CEP55: variants seen among roughly 807,000 people sequenced by gnomAD.
CEP55 encodes centrosomal protein 55.
A neutral mutation model predicts 63.2 loss-of-function variants in CEP55; 57 were observed. The observed-to-expected ratio is 0.90, with a 90% CI of 0.73 to 1.13. The LOEUF (loss-of-function observed/expected upper bound fraction) is 1.13. CEP55 is among the 50% of genes most tolerant of loss of function. The probability of loss-of-function intolerance (pLI) is 0.00; values close to 1 mark genes in which losing one functional copy is unlikely to be tolerated. For synonymous variants in CEP55, 178 were observed against 191.6 expected, an observed-to-expected ratio of 0.93 and a Z score of 0.59; for missense variants, 456 against 518.9, an observed-to-expected ratio of 0.88 and a Z score of 1.18.
intron 8 of CEP55, among the ~76,000 whole-genome samples, chr10:93,524,988 G>A (rs1323189401): frequency 6.6e-6 from 1 of 151,486 alleles, no homozygotes; most frequent in Non-Finnish European, 1.5e-5. Flanking sequence ...ATATCATACT[G>A]AATGGGCAAA....
chr10:93,510,937 CTTT>C (rs572255812), intron 4 of CEP55, among the ~76,000 whole-genome samples: 1 of 118,118 alleles, frequency 8.5e-6, no homozygotes, highest in African/African-American at 3.3e-5. Flanking sequence ...TTCCACAGGA[CTTT>C]TTTTTTTTTT....
At chr10:93,509,883 G>A (rs2057726777) in intron 4 of CEP55, among the ~76,000 whole-genome samples, 1 of 152,174 alleles carries the variant, frequency 6.6e-6, no homozygotes, top group Admixed American at 6.5e-5. Context: ...GTAGTTGGAG[G>A]ACTTAGGGAA....
chr10:93,498,737 G>T (rs918383316), intron 1 of CEP55, among the ~76,000 whole-genome samples: 1 of 151,148 alleles, frequency 6.6e-6, no homozygotes, highest in African/African-American at 2.4e-5. Flanking sequence ...GAGGATTCAT[G>T]AACCCTTGTT....
chr10:93,522,526 C>T (rs941822633), intron 8 of CEP55, among the ~76,000 whole-genome samples: 1 of 152,180 alleles, frequency 6.6e-6, no homozygotes, highest in Non-Finnish European at 1.5e-5. Flanking sequence ...GGATATTATC[C>T]AGGAGAACTT....
chr10:93,511,119 T>G (rs1484877458), intron 4 of CEP55, among the ~76,000 whole-genome samples: 1 of 152,024 alleles, frequency 6.6e-6, no homozygotes, highest in African/African-American at 2.4e-5. Context: ...TTTTTTATTT[T>G]TAGTAGAGAC....
At chr10:93,521,157 C>T (rs1195984448) in intron 8 of CEP55, among the ~76,000 whole-genome samples, 2 of 152,090 alleles carry the variant, frequency 1.3e-5, no homozygotes, top group East Asian at 1.9e-4. Flanking sequence ...CATCGCCTCA[C>T]CCAGGAAGCG....
Position 93,519,695 on chromosome 10 carries a change from C to T in CEP55, c.1079C>T (p.Thr360Ile). The T allele has an allele frequency of 6.2e-7, 1 of 1,614,080 alleles. No individual in the cohort carries two copies. The highest frequency in any genetic ancestry group is 8.5e-7 in the Non-Finnish European group (1 of 1,180,024). The change falls in exon 8 of 9, where the codon ACT (threonine) becomes ATT (isoleucine). Residue 360 changes from threonine (T) to isoleucine (I), a missense_variant. Thr to Ile is a moderately conservative substitution (Grantham distance 89, BLOSUM62 -1). Transcript: ENST00000371485. The part of the protein sequence containing the change: ...ALLEQQMQAC[T>I]LDFENEKLDR... ...GGCCTTTTCCAGATGCAGGCATGTA[C>T]TTTAGACTTTGAAAATGAAAAACTC...
chr10:93,519,659 G>A (rs2134489650), intron 7 of CEP55, 23 bp from the exon 8 acceptor site: 2 of 1,613,518 alleles, frequency 1.2e-6, no homozygotes, highest in Non-Finnish European at 8.5e-7. Context: ...AGCTGTAATG[G>A]TCTTGTTCTG....
intron 1 of CEP55, among the ~76,000 whole-genome samples, chr10:93,497,980 G>A (rs939062897): frequency 3.2e-4 from 48 of 151,938 alleles, no homozygotes; most frequent in African/African-American, 1.1e-3. Flanking sequence ...AAATTAGCCA[G>A]GCGTGGTGAC....
At chr10:93,523,609 T>C (rs2057887428) in intron 8 of CEP55, among the ~76,000 whole-genome samples, 2 of 152,096 alleles carry the variant, frequency 1.3e-5, no homozygotes, top group African/African-American at 2.4e-5. Flanking sequence ...TCTACAGAAC[T>C]CTCCACCTCA....
rs2057839526 is a variant in CEP55, at chr10:93,519,756, T to C, written c.1140T>C (p.Ile380=). The C allele has an allele frequency of 6.2e-7, 1 of 1,614,124 alleles. No homozygotes were observed. Among genetic ancestry groups the C allele is most frequent in the East Asian group, 2.2e-5 (1 of 44,870 alleles). ...RQHVQHQLHV[I]LKELRKARNQ... is the part of the protein sequence containing the mutation. ...ATGTGCAGCATCAATTGCATGTAAT[T>C]CTTAAGGAGCTCCGAAAAGCAAGAA... Residue 380 remains isoleucine, a synonymous_variant, in exon 8 of 9, where the codon ATT becomes ATC. Coordinates refer to ENST00000371485, the MANE Select transcript of CEP55 (RefSeq NM_018131.5).
rs542783251 is a variant in CEP55, at chr10:93,518,932, C to T, written c.1049C>T (p.Ala350Val). The change falls in exon 7 of 9, where the codon GCT (alanine) becomes GTT (valine). Residue 350 changes from alanine to valine, a missense_variant. By Grantham distance (64) the Ala-to-Val change is moderately conservative. Coordinates refer to ENST00000371485, the MANE Select transcript of CEP55 (RefSeq NM_018131.5). ...LKQQEEQTRV[A>V]LLEQQMQACT... ...CAGCAAGAAGAACAAACAAGGGTAG[C>T]TCTGTTGGAACAACAGGTACTCATT... is the stretch of plus-strand genomic sequence containing the variant. 25 of 1,613,128 alleles carry T rather than the reference C, an allele frequency of 1.5e-5. No individual in the cohort carries two copies. The African/African-American group carries it at 3.2e-4, about 21-fold the overall frequency.
chr10:93,528,817 T>C lies in CEP55; in HGVS notation c.*664T>C, dbSNP rs2057951467. Reference sequence around the variant, plus strand: ...CTCTTATGTTATCTGGCAGTAACTGTAACTTGAATTACATTAGCACATTCT... The same window carrying C: ...CTCTTATGTTATCTGGCAGTAACTGCAACTTGAATTACATTAGCACATTCT... On this transcript the variant is annotated 3_prime_UTR_variant, in exon 9 of 9. Transcript: ENST00000371485. 6.6e-6 allele frequency: 1 copy of C among 152,268 alleles called. No homozygotes were observed. Among genetic ancestry groups the C allele is most frequent in the Admixed American group, 6.5e-5 (1 of 15,284 alleles). The allele number at this position is 152,268 out of a possible 1,614,324, so 9.4% of individuals were successfully genotyped here.
chr10:93,525,905 T>C (rs994259993), intron 8 of CEP55, among the ~76,000 whole-genome samples: 1 of 152,064 alleles, frequency 6.6e-6, no homozygotes, highest in Non-Finnish European at 1.5e-5. Context: ...TGAAACTGGA[T>C]CCCTTCCTTA....
chr10:93,515,133 C>T (rs10882258), intron 4 of CEP55, among the ~76,000 whole-genome samples: 6 of 152,110 alleles, frequency 3.9e-5, no homozygotes, highest in African/African-American at 1.4e-4. Context: ...TGTCATAAAA[C>T]GTGTTTTAGT....
chr10:93,517,216 GAGA>G lies in CEP55; in HGVS notation c.968_970del (p.Lys323del), dbSNP rs1564766942. 3.7e-6 allele frequency: 6 copies of G among 1,606,818 alleles called. No homozygotes were observed. In the African/African-American group the frequency reaches 4.0e-5, roughly 11 times the overall value. The stretch of plus-strand genomic sequence containing the variant: ...TATTGCTAGGGGAAAACTTGAAGAA[GAGA>G]AGAAGAGATCCGAAGAGCTCTTATC... On this transcript the variant is annotated inframe_deletion, in exon 6 of 9. Transcript: ENST00000371485.
rs931329677 is a variant in CEP55 at position 93,499,963 on chromosome 10, A to G, written c.-12-77A>G. The G allele has an allele frequency of 5.4e-6, 5 of 920,642 alleles. 1 individual carries two copies. The highest frequency in any genetic ancestry group is 3.3e-5 in the African/African-American group (2 of 60,090). The allele number at this position is 920,642 out of a possible 1,614,324, so 57.0% of individuals were successfully genotyped here. A position where few individuals can be genotyped will look rare whatever the true frequency, so the allele number is the denominator to read the frequency against. ...TATATCATTTCTATTTAGAGCAGAT[A>G]GGTTATTAGACCTGTTTCAAACTTG... On this transcript the variant is annotated intron_variant, in intron 1 of 8. Coordinates refer to ENST00000371485, the MANE Select transcript of CEP55 (RefSeq NM_018131.5).
intron 3 of CEP55, 134 bp downstream of exon 3, chr10:93,503,522 C>A: frequency 3.5e-6 from 3 of 856,030 alleles, no homozygotes; most frequent in African/African-American, 1.7e-5. Flanking sequence ...ACTATCAGGT[C>A]ACTTCACTTT....
At chr10:93,523,442 G>C (rs1433500321) in intron 8 of CEP55, among the ~76,000 whole-genome samples, 2 of 152,098 alleles carry the variant, frequency 1.3e-5, no homozygotes, top group African/African-American at 2.4e-5. Flanking sequence ...CATAAAGCAA[G>C]TCCTTAGAGA....
Sources: allele counts gnomAD v4.1 joint callset (sites outside exome capture counted in the v4.1 genomes callset), GRCh38; gene constraint gnomAD v4.1.1; transcripts MANE v1.5; gene names NCBI Gene and HGNC (gene_info 2026-07-23, HGNC 2026-07-21).